PLA2G10: variants seen among roughly 807,000 people sequenced by gnomAD.
PLA2G10 encodes the protein phospholipase A2 group X, also known as group 10 secretory phospholipase A2.
Under a neutral mutation model 7.9 loss-of-function variants are expected in PLA2G10, and 9 were observed. The ratio of observed to expected loss-of-function variants is 1.14; its 90% confidence interval spans 0.68 to 1.98. PLA2G10 has a LOEUF of 1.98. Among genes scored for constraint, PLA2G10 ranks in the 30% most tolerant of loss-of-function variants. PLA2G10 has a pLI of 0.00. For missense variants in PLA2G10, 53 were observed against 65.4 expected, an observed-to-expected ratio of 0.81 and a Z score of 0.66; for synonymous variants, 19 against 27.5, an observed-to-expected ratio of 0.69 and a Z score of 0.97.
chr16:14,674,012 G>A (rs547991021), intron 3 of PLA2G10, among the ~76,000 whole-genome samples: 1 of 152,170 alleles, frequency 6.6e-6, no homozygotes, highest in Non-Finnish European at 1.5e-5. Context: ...AAGACTCCTA[G>A]ATTTGACCAA....
intron 3 of PLA2G10, among the ~76,000 whole-genome samples, chr16:14,677,165 TAACA>T (rs1960746187): frequency 6.6e-6 from 1 of 152,224 alleles, no homozygotes; most frequent in African/African-American, 2.4e-5. Flanking sequence ...TAATTTTTCA[TAACA>T]AACATGTATT....
chr16:14,675,516 A>T (rs2080218899), intron 3 of PLA2G10, among the ~76,000 whole-genome samples: 1 of 152,194 alleles, frequency 6.6e-6, no homozygotes, highest in Non-Finnish European at 1.5e-5. Flanking sequence ...AAAAGAAGTA[A>T]TCATCAGAGT....
chr16:14,686,952 A>C (rs531903236), intron 3 of PLA2G10, among the ~76,000 whole-genome samples: 1 of 152,200 alleles, frequency 6.6e-6, no homozygotes, highest in African/African-American at 2.4e-5. Flanking sequence ...CTAAAAATAC[A>C]AAAATATTAG....
chr16:14,685,721 G>C (rs1161649339), intron 3 of PLA2G10, among the ~76,000 whole-genome samples: 3 of 152,030 alleles, frequency 2.0e-5, no homozygotes, highest in African/African-American at 7.2e-5. Flanking sequence ...TTGAGACAGA[G>C]TCCCACGCTG....
rs780599326 is a variant in PLA2G10 at position 14,672,580 on chromosome 16, G to A, written c.*27C>T. The A allele has an allele frequency of 5.6e-6, 9 of 1,611,552 alleles. No homozygotes were observed. Among genetic ancestry groups the A allele is most frequent in the African/African-American group, 1.3e-5 (1 of 74,958 alleles). On this transcript the variant is annotated 3_prime_UTR_variant, in exon 4 of 4. Coordinates refer to ENST00000438167, the MANE Select transcript of PLA2G10 (RefSeq NM_003561.3). Reference sequence around the variant, plus strand: ...CTGAGAGGACGCTTTATTTCCTTGTGCAAAAGAGCATTTCAAGTCAAGGTA... The same window carrying A: ...CTGAGAGGACGCTTTATTTCCTTGTACAAAAGAGCATTTCAAGTCAAGGTA...
chr16:14,687,356 T>G (rs1961113407), intron 3 of PLA2G10, among the ~76,000 whole-genome samples: 1 of 147,020 alleles, frequency 6.8e-6, no homozygotes, highest in East Asian at 2.0e-4. Context: ...TGAGACTGGG[T>G]TTTGCCCTGT....
At chr16:14,676,953 C>T (rs1012331139) in intron 3 of PLA2G10, among the ~76,000 whole-genome samples, 38 of 152,026 alleles carry the variant, frequency 2.5e-4, no homozygotes, top group African/African-American at 8.2e-4. Flanking sequence ...AGTGGTATAA[C>T]GGACACATTG....
intron 3 of PLA2G10, among the ~76,000 whole-genome samples, chr16:14,687,896 G>A (rs1478431684): frequency 6.6e-6 from 1 of 151,836 alleles, no homozygotes; most frequent in African/African-American, 2.4e-5. Context: ...CCACTTGGGA[G>A]GCTGAGGCAC....
chr16:14,679,554 G>T (rs895279142), intron 3 of PLA2G10, among the ~76,000 whole-genome samples: 1 of 151,652 alleles, frequency 6.6e-6, no homozygotes, highest in Non-Finnish European at 1.5e-5. Context: ...CAGCTACTAG[G>T]GAGGCTGAGG....
At chr16:14,681,800 C>T (rs1380307710) in intron 3 of PLA2G10, among the ~76,000 whole-genome samples, 1 of 151,664 alleles carries the variant, frequency 6.6e-6, no homozygotes, top group Non-Finnish European at 1.5e-5. Flanking sequence ...GGCACAGACT[C>T]TACCAACAGA....
chr16:14,687,424 G>A (rs1379376385), intron 3 of PLA2G10, among the ~76,000 whole-genome samples: 2 of 151,154 alleles, frequency 1.3e-5, no homozygotes, highest in Non-Finnish European at 2.9e-5. Flanking sequence ...AACCTCCTGG[G>A]CTTCAAGCGA....
chr16:14,674,243 A>T (rs1960666706), intron 3 of PLA2G10, among the ~76,000 whole-genome samples: 1 of 152,202 alleles, frequency 6.6e-6, no homozygotes. Context: ...AGATGACACA[A>T]ACAAATGGAA....
intron 3 of PLA2G10, among the ~76,000 whole-genome samples, chr16:14,684,586 A>C (rs1417463359): frequency 6.6e-6 from 1 of 152,046 alleles, no homozygotes; most frequent in Non-Finnish European, 1.5e-5. Flanking sequence ...GAATCGCTAA[A>C]ACCTGGGAGG....
chr16:14,687,624 A>G (rs1961126428), intron 3 of PLA2G10, among the ~76,000 whole-genome samples: 1 of 152,058 alleles, frequency 6.6e-6, no homozygotes, highest in Non-Finnish European at 1.5e-5. Flanking sequence ...TGCCATTTCT[A>G]TCTTCTTCCT....
intron 3 of PLA2G10, among the ~76,000 whole-genome samples, chr16:14,677,236 G>C (rs1029431516): frequency 1.3e-5 from 2 of 152,158 alleles, no homozygotes; most frequent in African/African-American, 4.8e-5. Flanking sequence ...TGGGATAGAT[G>C]GATCCCTCAT....
At chr16:14,682,304 C>T (rs893127662) in intron 3 of PLA2G10, among the ~76,000 whole-genome samples, 10 of 152,104 alleles carry the variant, frequency 6.6e-5, no homozygotes, top group South Asian at 2.1e-4. Context: ...TCAAGTAGGC[C>T]GGGCGCGGTG....
chr16:14,677,864 TG>T (rs1960767507), intron 3 of PLA2G10, among the ~76,000 whole-genome samples: 1 of 145,756 alleles, frequency 6.9e-6, no homozygotes, highest in Non-Finnish European at 1.5e-5. Flanking sequence ...GATGGATGGA[TG>T]GATGGATGGA....
At chr16:14,678,810 A>G in intron 3 of PLA2G10, 1 of 332,818 alleles carries the variant, frequency 3.0e-6, no homozygotes, top group South Asian at 2.4e-5. Context: ...TCCCCTGCTC[A>G]AAACCCTCCT....
chr16:14,683,497 A>C (rs931417731), intron 3 of PLA2G10, among the ~76,000 whole-genome samples: 1 of 151,952 alleles, frequency 6.6e-6, no homozygotes, highest in Non-Finnish European at 1.5e-5. Context: ...CAGCCTCCCA[A>C]AGTGCTAGGA....
Sources: allele counts gnomAD v4.1 joint callset (sites outside exome capture counted in the v4.1 genomes callset), GRCh38; gene constraint gnomAD v4.1.1; transcripts MANE v1.5; gene names NCBI Gene and HGNC (gene_info 2026-07-23, HGNC 2026-07-21).